Variants in CADM2 observed in about 807,000 individuals in gnomAD.
The protein encoded by CADM2 is immunoglobulin superfamily member 4D.
A neutral mutation model predicts 49.8 loss-of-function variants in CADM2; 12 were observed. That is an observed-to-expected ratio of 0.24 (90% CI 0.15 to 0.39). The LOEUF is 0.39. Among genes scored for constraint, CADM2 ranks in the 10% least tolerant of loss-of-function variants. The probability of loss-of-function intolerance (pLI) is 1.00; values close to 1 mark genes in which losing one functional copy is unlikely to be tolerated. For synonymous variants in CADM2, 214 were observed against 175.4 expected (o/e 1.22, Z -1.74); for missense variants, 378 against 492.3 (o/e 0.77, Z 2.20).
rs551311975 is a variant in CADM2, at chr3:85,459,902, C to A, written c.62-266620C>A. Among the ~76,000 whole-genome samples the A allele has an allele frequency of 2.2e-3, 313 of 142,408 alleles. 3 individuals are homozygous for A. The highest frequency in any genetic ancestry group is 5.2e-3 in the Admixed American group (73 of 14,126). The allele number at this position is 142,408 out of a possible 152,430, so 93.4% of individuals were successfully genotyped here. On this transcript the variant is annotated intron_variant, in intron 1 of 9. Coordinates refer to ENST00000383699, the MANE Select transcript of CADM2 (RefSeq NM_001167675.2). ...GTTTTTATGTCCACCATACATGGCC[C>A]TTTGTTACTGCATTGTTTCATCTCT...
intron 3 of CADM2, among the ~76,000 whole-genome samples, chr3:85,873,503 T>C (rs1038001689): frequency 2.0e-5 from 3 of 151,984 alleles, no homozygotes; most frequent in African/African-American, 7.2e-5. Flanking sequence ...TCGTCTCTAC[T>C]AAAAATAGGA....
At chr3:85,941,698 A>G (rs1370098186) in intron 7 of CADM2, among the ~76,000 whole-genome samples, 2 of 152,042 alleles carry the variant, frequency 1.3e-5, no homozygotes, top group African/African-American at 4.8e-5. Flanking sequence ...TGCGTGTGGG[A>G]AAAGCTACAC....
intron 1 of CADM2, among the ~76,000 whole-genome samples, chr3:85,260,468 T>C: frequency 6.6e-6 from 1 of 152,156 alleles, no homozygotes; most frequent in East Asian, 1.9e-4. Flanking sequence ...ATCCTCAACA[T>C]AACTAAACAA....
chr3:86,050,857 C>T (rs1324135755), intron 8 of CADM2, among the ~76,000 whole-genome samples: 3 of 152,174 alleles, frequency 2.0e-5, no homozygotes, highest in African/African-American at 2.4e-5. Flanking sequence ...GAGGACAGAA[C>T]GAAACCACCT....
In CADM2 at chr3:85,273,557, A is replaced by G. The variant is rs369807544; in HGVS notation, c.61+313889A>G. ...TTTGCCAATTTATTGAATCAAGAAT[A>G]TAAGAACGAAATATTAAAGCGAAGG... On this transcript the variant is annotated intron_variant, in intron 1 of 9. Coordinates refer to ENST00000383699, the MANE Select transcript of CADM2 (RefSeq NM_001167675.2). Among the ~76,000 whole-genome samples, 271 of 151,010 alleles carry G rather than the reference A, an allele frequency of 1.8e-3. 1 individual carries two copies. The highest frequency in any genetic ancestry group is 6.4e-3 in the African/African-American group (261 of 40,996).
intron 1 of CADM2, among the ~76,000 whole-genome samples, chr3:85,659,503 G>T (rs1186700727): frequency 1.3e-5 from 2 of 151,752 alleles, no homozygotes; most frequent in Non-Finnish European, 2.9e-5. Context: ...AAATATACAC[G>T]CTCAGAGAAG....
chr3:85,601,634 A>T (rs929992188), intron 1 of CADM2, among the ~76,000 whole-genome samples: 14 of 151,466 alleles, frequency 9.2e-5, no homozygotes, highest in Non-Finnish European at 1.9e-4. Context: ...CACTATTTTT[A>T]AAAAAACGTT....
At chr3:85,925,383 A>G (rs907375656) in intron 6 of CADM2, among the ~76,000 whole-genome samples, 9 of 152,234 alleles carry the variant, frequency 5.9e-5, no homozygotes, top group African/African-American at 1.9e-4. Flanking sequence ...AGCATTCACT[A>G]AAATCGAAAG....
chr3:85,805,396 G>C (rs935031073), intron 3 of CADM2: 7 of 152,162 alleles, frequency 4.6e-5, no homozygotes, highest in Non-Finnish European at 1.0e-4. Flanking sequence ...CTAAACGTCA[G>C]TTGCAGTAAA....
intron 1 of CADM2, among the ~76,000 whole-genome samples, chr3:85,143,487 A>C (rs2039640204): frequency 6.6e-6 from 1 of 152,210 alleles, no homozygotes; most frequent in African/African-American, 2.4e-5. Context: ...CTCAAAAAAT[A>C]ATTAATATGA....
intron 1 of CADM2, among the ~76,000 whole-genome samples, chr3:85,185,795 A>G (rs1267815567): frequency 6.6e-6 from 1 of 152,170 alleles, no homozygotes; most frequent in East Asian, 1.9e-4. Context: ...AATAAACGGG[A>G]GTCATTTTGC....
At chr3:85,513,384 A>G (rs2060819238) in intron 1 of CADM2, among the ~76,000 whole-genome samples, 2 of 151,996 alleles carry the variant, frequency 1.3e-5, no homozygotes, top group Non-Finnish European at 2.9e-5. Context: ...ATCAAGACCC[A>G]TCGTCATTCA....
chr3:86,008,695 T>C (rs1455731495), intron 8 of CADM2, among the ~76,000 whole-genome samples: 2 of 152,060 alleles, frequency 1.3e-5, no homozygotes, highest in African/African-American at 4.8e-5. Context: ...AAATGAACTA[T>C]TGAATGCTTT....
At chr3:85,116,098 G>A (rs1320773474) in intron 1 of CADM2, among the ~76,000 whole-genome samples, 2 of 152,080 alleles carry the variant, frequency 1.3e-5, no homozygotes, top group Admixed American at 1.3e-4. Context: ...AGGCTGAGGC[G>A]GGCAGATTAC....
intron 8 of CADM2, among the ~76,000 whole-genome samples, chr3:85,963,676 C>A (rs1725123185): frequency 1.3e-5 from 2 of 151,776 alleles, no homozygotes; most frequent in African/African-American, 4.8e-5. Flanking sequence ...AAAAGTATAT[C>A]ATTTTTTTAA....
At chr3:85,016,564 G>A (rs1340164449) in intron 1 of CADM2, among the ~76,000 whole-genome samples, 1 of 152,088 alleles carries the variant, frequency 6.6e-6, no homozygotes, top group Non-Finnish European at 1.5e-5. Context: ...TGGCCAAGGC[G>A]GGGACATCAG....
chr3:86,015,272 G>C (rs139177208), intron 8 of CADM2, among the ~76,000 whole-genome samples: 8 of 152,256 alleles, frequency 5.3e-5, no homozygotes, highest in African/African-American at 1.9e-4. Flanking sequence ...AATGGCCCCT[G>C]TTTGAACTCT....
chr3:85,863,685 G>A (rs1034144905), intron 3 of CADM2, among the ~76,000 whole-genome samples: 10 of 152,120 alleles, frequency 6.6e-5, no homozygotes, highest in African/African-American at 2.4e-4. Flanking sequence ...AAATTACCCA[G>A]CCTGCAGTAT....
chr3:85,853,461 T>C (rs952394613), intron 3 of CADM2, among the ~76,000 whole-genome samples: 1 of 152,082 alleles, frequency 6.6e-6, no homozygotes, highest in African/African-American at 2.4e-5. Flanking sequence ...GTCAAAGCCT[T>C]AAATGTATCA....
Sources: gnomAD v4.1 joint callset for allele counts (sites outside exome capture counted in the v4.1 genomes callset) on GRCh38, gnomAD v4.1.1 for gene constraint, MANE v1.5 for transcripts, NCBI Gene and HGNC (gene_info 2026-07-23, HGNC 2026-07-21) for gene names.